The following ARHGEF28 variants were observed in gnomAD, a reference collection of about 807,000 sequenced individuals.
ARHGEF28 encodes the protein 190 kDa guanine nucleotide exchange factor.
ARHGEF28 carries 152 observed loss-of-function variants against 206.6 expected under a neutral mutation model. That is an observed-to-expected ratio of 0.74 (90% confidence interval 0.64 to 0.84). The LOEUF (loss-of-function observed/expected upper bound fraction) is 0.84. Among genes scored for constraint, ARHGEF28 ranks in the 40% least tolerant of loss-of-function variants. The probability of loss-of-function intolerance (pLI) is 0.00; values close to 1 mark genes in which losing one functional copy is unlikely to be tolerated. For synonymous variants in ARHGEF28, 763 were observed against 776.4 expected (o/e 0.98, Z 0.29); for missense variants, 2,028 against 2,073.2 (o/e 0.98, Z 0.42).
At chr5:73,666,026 G>A (rs1745931811) in intron 1 of ARHGEF28, among the ~76,000 whole-genome samples, 1 of 152,114 alleles carries the variant, frequency 6.6e-6, no homozygotes, top group South Asian at 2.1e-4. Flanking sequence ...TCACCCTGAG[G>A]CAAGTTCCTT....
chr5:73,868,103 CAGG>C lies in ARHGEF28; in HGVS notation c.2305_2307del (p.Arg769del). Reference sequence around the variant, plus strand: ...TGCTCCCCTCCCTCTCTCCTAGCTTCAGGAGGTCAGCCACATCCTTGGAGTCTG... The same window carrying C: ...TGCTCCCCTCCCTCTCTCCTAGCTTCAGGTCAGCCACATCCTTGGAGTCTG... On this transcript the variant is annotated inframe_deletion, in exon 20 of 36. Transcript: ENST00000513042. 6.2e-7 allele frequency: 1 copy of C among 1,612,330 alleles called. No individual in the cohort carries two copies. Among genetic ancestry groups the C allele is most frequent in the Non-Finnish European group, 8.5e-7 (1 of 1,179,176 alleles).
chr5:73,783,396 G>GTA (rs1753967496), intron 7 of ARHGEF28, among the ~76,000 whole-genome samples: 1 of 151,544 alleles, frequency 6.6e-6, no homozygotes, highest in South Asian at 2.1e-4. Flanking sequence ...ATGTGTGTGT[G>GTA]TGCGCGCTTC....
At chr5:73,723,585 T>G (rs114943964) in intron 2 of ARHGEF28, among the ~76,000 whole-genome samples, 4,087 of 152,316 alleles carry the variant, frequency 0.027, 219 homozygotes, top group African/African-American at 0.093. Context: ...AAAGATCAGT[T>G]AAGGTTTATT....
intron 4 of ARHGEF28, among the ~76,000 whole-genome samples, chr5:73,764,014 A>G (rs965268584): frequency 6.6e-6 from 1 of 152,204 alleles, no homozygotes; most frequent in Non-Finnish European, 1.5e-5. Context: ...AAGATCAGAC[A>G]AATGTGTAAA....
At chr5:73,891,802 G>A (rs1761657792) in intron 26 of ARHGEF28, among the ~76,000 whole-genome samples, 1 of 152,168 alleles carries the variant, frequency 6.6e-6, no homozygotes, top group African/African-American at 2.4e-5. Context: ...TGGGATTACA[G>A]GAGGGAGCCG....
chr5:73,717,058 G>A (rs1420580466), intron 2 of ARHGEF28, among the ~76,000 whole-genome samples: 1 of 152,018 alleles, frequency 6.6e-6, no homozygotes, highest in Non-Finnish European at 1.5e-5. Flanking sequence ...AATTTCTTGA[G>A]ACAGAGGATC....
chr5:73,935,597 C>T (rs1221128386), intron 35 of ARHGEF28, among the ~76,000 whole-genome samples: 1 of 152,178 alleles, frequency 6.6e-6, no homozygotes, highest in African/African-American at 2.4e-5. Context: ...GTAATGCCAT[C>T]AGGAAATGAT....
At chr5:73,650,958 G>A (rs573723019) in intron 1 of ARHGEF28, among the ~76,000 whole-genome samples, 3 of 152,280 alleles carry the variant, frequency 2.0e-5, no homozygotes, top group East Asian at 3.9e-4. Context: ...TTTTGTAAAC[G>A]TGTCCCAACA....
intron 1 of ARHGEF28, among the ~76,000 whole-genome samples, chr5:73,663,631 G>A (rs13178946): frequency 0.48 from 72,409 of 152,010 alleles, 18,002 homozygotes; most frequent in East Asian, 0.78. Context: ...CTCAATTGTT[G>A]GCAAACAGTT....
At chr5:73,906,174 C>G (rs1457674692) in intron 33 of ARHGEF28, among the ~76,000 whole-genome samples, 1 of 152,198 alleles carries the variant, frequency 6.6e-6, no homozygotes, top group Non-Finnish European at 1.5e-5. Context: ...GAGTATATGA[C>G]AGTGCTCATC....
chr5:73,806,105 A>AACTATAGTTACCTCATAGTT (rs1050411473), intron 9 of ARHGEF28, among the ~76,000 whole-genome samples: 2 of 151,220 alleles, frequency 1.3e-5, no homozygotes, highest in African/African-American at 4.9e-5. Flanking sequence ...TTACATAGTT[A>AACTATAGTTACCTCATAGTT]ACTATAGTTA....
intron 9 of ARHGEF28, among the ~76,000 whole-genome samples, chr5:73,831,714 G>A (rs1561438344): frequency 6.6e-6 from 1 of 152,198 alleles, no homozygotes; most frequent in South Asian, 2.1e-4. Context: ...GTTTTGAGAC[G>A]GAGTTTCACT....
intron 22 of ARHGEF28, among the ~76,000 whole-genome samples, chr5:73,874,238 G>T (rs572006942): frequency 7.9e-5 from 12 of 152,046 alleles, no homozygotes; most frequent in African/African-American, 2.9e-4. Flanking sequence ...TCTTATTGAT[G>T]AATATTAAGG....
chr5:73,873,568 G>A (rs1302622355), intron 22 of ARHGEF28, among the ~76,000 whole-genome samples: 1 of 152,156 alleles, frequency 6.6e-6, no homozygotes, highest in Admixed American at 6.5e-5. Flanking sequence ...GGAAAGGCAG[G>A]GAGCTCCATC....
chr5:73,905,988 GT>G (rs1580080043), intron 33 of ARHGEF28, among the ~76,000 whole-genome samples: 1 of 152,000 alleles, frequency 6.6e-6, no homozygotes, highest in African/African-American at 2.4e-5. Context: ...TTCATATCTT[GT>G]TGAATTTAAA....
At chr5:73,779,535 C>G (rs571085941) in intron 6 of ARHGEF28, among the ~76,000 whole-genome samples, 3 of 152,230 alleles carry the variant, frequency 2.0e-5, no homozygotes, top group South Asian at 2.1e-4. Flanking sequence ...GCCTTGGCGA[C>G]TCTCACTCTC....
In ARHGEF28 at chr5:73,909,194, C is replaced by A. The variant is rs1580084445; in HGVS notation, c.4162-218C>A. On this transcript the variant is annotated intron_variant, in intron 33 of 35. Transcript: ENST00000513042. ...TGCTTTTGGGCTTTGTTTCTTTTCT[C>A]TATAAATTCACAGGTCCTACCCCTA... The A allele has an allele frequency of 6.0e-6, 3 of 497,220 alleles. No individual in the cohort carries two copies. In the East Asian group the frequency reaches 9.9e-5, roughly 16 times the overall value. 30.8% of individuals were successfully genotyped at this position (497,220 alleles called of 1,614,324 possible).
chr5:73,810,256 T>C (rs1435161980), intron 9 of ARHGEF28, among the ~76,000 whole-genome samples: 1 of 152,238 alleles, frequency 6.6e-6, no homozygotes, highest in African/African-American at 2.4e-5. Context: ...AAGTCTCTTC[T>C]TTTGATATCT....
chr5:73,902,842 C>T (rs1762347119), intron 31 of ARHGEF28: 1 of 152,172 alleles, frequency 6.6e-6, no homozygotes, highest in Non-Finnish European at 1.5e-5. Context: ...CAGTCCAACT[C>T]ATTTCTATGG....
Sources: allele counts gnomAD v4.1 joint callset (sites outside exome capture counted in the v4.1 genomes callset), GRCh38; gene constraint gnomAD v4.1.1; transcripts MANE v1.5; gene names NCBI Gene and HGNC (gene_info 2026-07-23, HGNC 2026-07-21).